The following KDM4B variants were observed in gnomAD, a reference collection of about 807,000 sequenced individuals.
The protein encoded by KDM4B is lysine-specific demethylase 4B.
In KDM4B, 32 loss-of-function variants were observed where a neutral mutation model predicts 125.2. That is an observed-to-expected ratio of 0.26 (90% CI 0.19 to 0.34). KDM4B has a LOEUF of 0.34. Among genes scored for constraint, KDM4B ranks in the 10% least tolerant of loss-of-function variants. KDM4B has a pLI of 1.00. For synonymous variants in KDM4B, 721 were observed against 677.9 expected, an observed-to-expected ratio of 1.06 and a Z score of -0.99; for missense variants, 1,190 against 1,577.7, an observed-to-expected ratio of 0.75 and a Z score of 4.16.
Position 5,114,799 on chromosome 19 carries a change from G to A in KDM4B, c.1115+3981G>A, listed in dbSNP as rs984136580. 6.6e-6 allele frequency among the ~76,000 whole-genome samples: 1 copy of A among 152,228 alleles called. No individual in the cohort carries two copies. Among genetic ancestry groups the A allele is most frequent in the Non-Finnish European group, 1.5e-5 (1 of 68,038 alleles). On this transcript the variant is annotated intron_variant, in intron 10 of 22. Coordinates refer to ENST00000159111, the MANE Select transcript of KDM4B (RefSeq NM_015015.3). This position sits in a 1 kb window ranked among gnomAD's most constrained non-coding sequence, Gnocchi z 5.8. Reference sequence around the variant, plus strand: ...CCACTCTGGGTGCTGCAGGTGCCCTGTGTTACTGGGTGACAGGGCCAGAGG... The same window carrying A: ...CCACTCTGGGTGCTGCAGGTGCCCTATGTTACTGGGTGACAGGGCCAGAGG...
chr19:5,061,718 A>T (rs2037603154), intron 6 of KDM4B, among the ~76,000 whole-genome samples: 1 of 152,034 alleles, frequency 6.6e-6, no homozygotes, highest in Admixed American at 6.6e-5. Flanking sequence ...AGAAGAAAAA[A>T]TCAGCTGGGT....
chr19:5,007,168 G>A (rs998548639), intron 1 of KDM4B, among the ~76,000 whole-genome samples: 1 of 152,206 alleles, frequency 6.6e-6, no homozygotes, highest in Non-Finnish European at 1.5e-5. Context: ...GTTGGGGAAC[G>A]TAGCAAAGTT....
At position 5,119,827 on chromosome 19, in the gene KDM4B, C is replaced by T. The variant is rs760425561; in HGVS notation, c.1290C>T (p.His430=). The T allele has an allele frequency of 6.7e-5, 103 of 1,544,424 alleles. No individual in the cohort carries two copies. The highest frequency in any genetic ancestry group is 7.9e-5 in the Non-Finnish European group (91 of 1,145,118). The change falls in exon 11 of 23, where the codon CAC becomes CAT. Residue 430 remains histidine, a synonymous_variant. Coordinates refer to ENST00000159111, the MANE Select transcript of KDM4B (RefSeq NM_015015.3). Reference sequence around the variant, plus strand: ...AGGAGGAGCCGCAGCCACTGCCACACGGCCGGGAGGCCGAGGGCGCAGAAG... The same window carrying T: ...AGGAGGAGCCGCAGCCACTGCCACATGGCCGGGAGGCCGAGGGCGCAGAAG... The part of the protein sequence containing the change: ...EEEEEPQPLP[H]GREAEGAEED...
At chr19:5,048,684 A>G (rs549194390) in intron 6 of KDM4B, among the ~76,000 whole-genome samples, 134 of 152,090 alleles carry the variant, frequency 8.8e-4, no homozygotes, top group African/African-American at 3.2e-3. Flanking sequence ...GCGCATCCTC[A>G]CCTGCGTCCG....
intron 11 of KDM4B, among the ~76,000 whole-genome samples, chr19:5,121,546 C>T (rs923206002): frequency 2.0e-5 from 3 of 152,170 alleles, no homozygotes; most frequent in African/African-American, 4.8e-5. Flanking sequence ...CCCTCATCTG[C>T]GAGCCGCTCG....
Position 4,971,949 on chromosome 19 carries a change from G to C in KDM4B, c.-109+2719G>C, listed in dbSNP as rs967445519. On this transcript the variant is annotated intron_variant, in intron 1 of 22. Transcript: ENST00000159111. This position sits in a 1 kb window ranked among gnomAD's most constrained non-coding sequence, Gnocchi z 4.1. ...AGCAGATGAACAGGGTGGGGGCTCG[G>C]GGCGGGGGGAGCTCCGCAGGCCTGC... Among the ~76,000 whole-genome samples, 1 of 152,024 alleles carries C rather than the reference G, an allele frequency of 6.6e-6. No individual in the cohort carries two copies. The highest frequency in any genetic ancestry group is 2.4e-5 in the African/African-American group (1 of 41,390).
At chr19:5,042,126 T>G (rs866240754) in intron 5 of KDM4B, among the ~76,000 whole-genome samples, 3 of 152,376 alleles carry the variant, frequency 2.0e-5, no homozygotes, top group Admixed American at 6.5e-5. Context: ...GATTTTCTTT[T>G]TTTGAATATT....
Position 5,131,235 on chromosome 19 carries a change from C to T in KDM4B, c.1475C>T (p.Pro492Leu), listed in dbSNP as rs754810546. The stretch of plus-strand genomic sequence containing the variant: ...CCACTGGAGCCCCCGGTGCTGGGCC[C>T]AGGCCCTGCAGCCATGGAGGAGAGC... Reference protein sequence around the residue: ...PSPLEPPVLGPGPAAMEESPL... With the variant: ...PSPLEPPVLGLGPAAMEESPL... The change falls in exon 12 of 23, where the codon CCA becomes CTA. Residue 492 changes from proline (P) to leucine (L), a missense_variant. Around this residue, in one of 7 missense-constraint regions of KDM4B, gnomAD observed 428 missense variants for 405.1 expected, o/e 1.06. Coordinates refer to ENST00000159111, the MANE Select transcript of KDM4B (RefSeq NM_015015.3). 17 of 1,607,662 alleles carry T rather than the reference C, an allele frequency of 1.1e-5. No homozygotes were observed. In the East Asian group the frequency reaches 3.6e-4, roughly 34 times the overall value.
rs143467338 is a variant in KDM4B, at chr19:5,068,723, C to T, written c.627-2287C>T. On this transcript the variant is annotated intron_variant, in intron 6 of 22. Coordinates refer to ENST00000159111, the MANE Select transcript of KDM4B (RefSeq NM_015015.3). ...GAGCCCAGAAGTCTCCGTGGCTGCC[C>T]GGCCTCTTGTCCAAGAGTCCTTTGT... Among the ~76,000 whole-genome samples, 1,266 of 152,354 alleles carry T rather than the reference C, an allele frequency of 8.3e-3. 5 individuals are homozygous for T. The highest frequency in any genetic ancestry group is 0.034 in the Middle Eastern group (10 of 294).
At chr19:5,040,663 G>C (rs533244622) in intron 4 of KDM4B, among the ~76,000 whole-genome samples, 36 of 152,300 alleles carry the variant, frequency 2.4e-4, no homozygotes, top group African/African-American at 8.4e-4. Flanking sequence ...TCCCGTCGCC[G>C]TGCCCTCCTC....
intron 6 of KDM4B, among the ~76,000 whole-genome samples, chr19:5,060,271 T>C (rs970717501): frequency 4.0e-5 from 6 of 151,898 alleles, no homozygotes; most frequent in South Asian, 2.1e-4. Context: ...AAACCCCGTC[T>C]CTATTAAAAA....
intron 6 of KDM4B, among the ~76,000 whole-genome samples, chr19:5,057,026 A>ATGTGTG (rs1404957430): frequency 7.2e-5 from 9 of 124,894 alleles, no homozygotes; most frequent in African/African-American, 3.2e-4. Flanking sequence ...CCAGATATAT[A>ATGTGTG]TGCGTGTGTG....
At chr19:5,049,658 G>A (rs561895412) in intron 6 of KDM4B, among the ~76,000 whole-genome samples, 4 of 152,202 alleles carry the variant, frequency 2.6e-5, no homozygotes, top group Non-Finnish European at 4.4e-5. Context: ...GGGCTGAGGC[G>A]GGGCCCCAGA....
chr19:4,981,898 A>G (rs1316910810), intron 1 of KDM4B, among the ~76,000 whole-genome samples: 1 of 152,172 alleles, frequency 6.6e-6, no homozygotes, highest in Non-Finnish European at 1.5e-5. Flanking sequence ...AAACACTACC[A>G]AGTGTCATGT....
chr19:5,048,313 C>T (rs940133494), intron 6 of KDM4B, among the ~76,000 whole-genome samples: 2 of 152,178 alleles, frequency 1.3e-5, no homozygotes. Flanking sequence ...CACGTGTGCG[C>T]GCGCATGTGA....
At chr19:5,138,256 C>A in intron 18 of KDM4B, 186 bp downstream of exon 18, 1 of 589,502 alleles carries the variant, frequency 1.7e-6, no homozygotes, top group Non-Finnish European at 3.0e-6. Flanking sequence ...TGAATCCTTC[C>A]CCGAGGTGCA....
intron 9 of KDM4B, among the ~76,000 whole-genome samples, chr19:5,108,415 C>CT (rs2039076691): frequency 6.6e-6 from 1 of 152,214 alleles, no homozygotes; most frequent in South Asian, 2.1e-4. Flanking sequence ...TGATAGGAAT[C>CT]TAACTGTTCC....
chr19:5,113,886 G>C (rs1277917767), intron 10 of KDM4B: 1 of 1,195,306 alleles, frequency 8.4e-7, no homozygotes, highest in Non-Finnish European at 1.1e-6. Context: ...GTGTTTACCA[G>C]GTGCCCCATG....
intron 11 of KDM4B, among the ~76,000 whole-genome samples, chr19:5,125,975 A>G (rs1001341067): frequency 6.6e-6 from 1 of 152,194 alleles, no homozygotes; most frequent in Non-Finnish European, 1.5e-5. Flanking sequence ...ACGACAGGAA[A>G]TGCATGCCAC....
Sources: allele counts gnomAD v4.1 joint callset (sites outside exome capture counted in the v4.1 genomes callset), GRCh38; gene constraint gnomAD v4.1.1; regional missense constraint gnomAD v4.1.1; non-coding constraint Gnocchi (gnomAD v3.1); transcripts MANE v1.5; gene names NCBI Gene and HGNC (gene_info 2026-07-23, HGNC 2026-07-21).